Variants in SHOC1 observed in about 807,000 individuals in gnomAD.
SHOC1 encodes the protein shortage in chiasmata 1.
SHOC1 carries 136 observed loss-of-function variants against 179.2 expected under a neutral mutation model. The observed-to-expected ratio is 0.76, with a 90% CI of 0.66 to 0.87. The LOEUF (loss-of-function observed/expected upper bound fraction) is 0.87, where lower values mean the gene tolerates loss of function less well. Ranked by LOEUF, SHOC1 falls within the 40% of genes least tolerant of loss-of-function variation. The pLI is 0.00. For synonymous variants in SHOC1, 489 were observed against 586.6 expected (o/e 0.83, Z 2.41); for missense variants, 1,538 against 1,700.8 (o/e 0.90, Z 1.68).
chr9:111,686,703 T>G lies in SHOC1; in HGVS notation c.*67A>C. 1 of 988,516 alleles carries G rather than the reference T, an allele frequency of 1.0e-6. No individual in the cohort carries two copies. 61.2% of individuals were successfully genotyped at this position (988,516 alleles called of 1,614,324 possible). The stretch of plus-strand genomic sequence containing the variant: ...TCTTTAGTGTATGAGCAAATCTAAA[T>G]AATTGCGCTAGTGGATTAGCATCAA... On this transcript the variant is annotated 3_prime_UTR_variant, in exon 28 of 28. Coordinates refer to ENST00000682961, the MANE Select transcript of SHOC1 (RefSeq NM_001378211.1).
At chr9:111,695,435 C>G (rs1187372463) in intron 24 of SHOC1, among the ~76,000 whole-genome samples, 1 of 151,834 alleles carries the variant, frequency 6.6e-6, no homozygotes, top group Non-Finnish European at 1.5e-5. Context: ...TACTTTATTG[C>G]TAGTTTTGGG....
chr9:111,773,529 T>C (rs1483960696), intron 5 of SHOC1, among the ~76,000 whole-genome samples: 1 of 152,054 alleles, frequency 6.6e-6, no homozygotes, highest in African/African-American at 2.4e-5. Context: ...CCAGGCTGGT[T>C]TCGAACGCCT....
At chr9:111,793,075 G>A (rs1352429332) in intron 1 of SHOC1, among the ~76,000 whole-genome samples, 1 of 152,008 alleles carries the variant, frequency 6.6e-6, no homozygotes, top group Non-Finnish European at 1.5e-5. Context: ...GTAGAGACAG[G>A]GTTTCACCGT....
At position 111,770,723 on chromosome 9, in the gene SHOC1, CATAG is replaced by C. The variant is rs150944361; in HGVS notation, c.442+5064_442+5067del. ...TACCTAGGAGTTCTGGTGTTGTGTG[CATAG>C]ATATTTATAATTGTTATACCCTCTT... On this transcript the variant is annotated intron_variant, in intron 5 of 27. Coordinates refer to ENST00000682961, the MANE Select transcript of SHOC1 (RefSeq NM_001378211.1). 5.1e-4 allele frequency among the ~76,000 whole-genome samples: 77 copies of C among 152,192 alleles called. 1 individual carries two copies. The East Asian group carries it at 0.012, about 23-fold the overall frequency.
At chr9:111,708,788 A>C (rs1313433349) in intron 18 of SHOC1, among the ~76,000 whole-genome samples, 1 of 152,230 alleles carries the variant, frequency 6.6e-6, no homozygotes, top group African/African-American at 2.4e-5. Context: ...AATAAATTTC[A>C]AAATATTCTG....
intron 3 of SHOC1, among the ~76,000 whole-genome samples, chr9:111,781,751 A>AATAAATAAATAAATAAATAG (rs1836064912): frequency 9.4e-6 from 1 of 106,714 alleles, no homozygotes; most frequent in Non-Finnish European, 2.3e-5. Flanking sequence ...TAAATAAATA[A>AATAAATAAATAAATAAATAG]ATTTGTATGT....
At chr9:111,775,520 A>G (rs976790955) in intron 5 of SHOC1, among the ~76,000 whole-genome samples, 4 of 152,166 alleles carry the variant, frequency 2.6e-5, no homozygotes, top group Non-Finnish European at 5.9e-5. Flanking sequence ...AAAGATGCCA[A>G]TGTCATTATA....
In SHOC1 at chr9:111,775,796, T is replaced by C. The variant is rs754701365; in HGVS notation, c.437A>G (p.Asn146Ser). 10 of 1,602,788 alleles carry C rather than the reference T, an allele frequency of 6.2e-6. No individual in the cohort carries two copies. Among genetic ancestry groups the C allele is most frequent in the African/African-American group, 4.0e-5 (3 of 74,458 alleles). ...LEKCSALQNQ[N>S]QDLFIDDKGI... is the part of the protein sequence containing the mutation. ...ATATAAAATAAACGTTTTACCTTGG[T>C]TCTGGTTTTGAAGTGCTGAACATTT... Residue 146 changes from asparagine to serine, a missense_variant, in exon 5 of 28, where the codon AAC (asparagine) becomes AGC (serine). By Grantham distance (46) the Asn-to-Ser change is conservative (BLOSUM62 1). Transcript: ENST00000682961.
Position 111,749,632 on chromosome 9 carries a change from C to T in SHOC1, c.863-1433G>A, listed in dbSNP as rs541360715. Reference sequence around the variant, plus strand: ...ATCATCTCATCACCGAGGTATTAAGCCCAGCATCCATTAGCTATTCTTCCT... The same window carrying T: ...ATCATCTCATCACCGAGGTATTAAGTCCAGCATCCATTAGCTATTCTTCCT... On this transcript the variant is annotated intron_variant, in intron 8 of 27. Transcript: ENST00000682961. Among the ~76,000 whole-genome samples the T allele has an allele frequency of 2.0e-5, 3 of 152,230 alleles. 1 individual carries two copies. The South Asian group carries it at 6.2e-4, about 32-fold the overall frequency.
chr9:111,688,263 T>C (rs1008890017), intron 27 of SHOC1, among the ~76,000 whole-genome samples: 6 of 152,222 alleles, frequency 3.9e-5, no homozygotes, highest in Non-Finnish European at 7.3e-5. Flanking sequence ...TTCTAAAATT[T>C]CTAAAAATGC....
intron 5 of SHOC1, among the ~76,000 whole-genome samples, chr9:111,774,148 T>C (rs1835735173): frequency 6.6e-6 from 1 of 152,134 alleles, no homozygotes; most frequent in African/African-American, 2.4e-5. Context: ...TGTAACCCAT[T>C]AGTTTTTATA....
chr9:111,747,540 C>T (rs566415443), intron 9 of SHOC1, among the ~76,000 whole-genome samples: 125 of 151,950 alleles, frequency 8.2e-4, no homozygotes, highest in African/African-American at 2.7e-3. Flanking sequence ...TCCTCCATTC[C>T]TCTTCTACAC....
chr9:111,760,791 TAAAA>T (rs887073478), intron 5 of SHOC1, among the ~76,000 whole-genome samples: 6 of 150,986 alleles, frequency 4.0e-5, no homozygotes, highest in African/African-American at 1.5e-4. Flanking sequence ...AAAGGCAAGA[TAAAA>T]AACACTTTCC....
chr9:111,775,694 A>C (rs1446094930), intron 5 of SHOC1, 97 bp downstream of exon 5: 2 of 1,018,974 alleles, frequency 2.0e-6, no homozygotes, highest in African/African-American at 3.3e-5. Flanking sequence ...ATCTTTAATA[A>C]AAAATTTTTT....
At position 111,723,902 on chromosome 9, in the gene SHOC1, G is replaced by A. The variant is rs1391126951; in HGVS notation, c.1844C>T (p.Ala615Val). 6.5e-7 allele frequency: 1 copy of A among 1,540,432 alleles called. No homozygotes were observed. The highest frequency in any genetic ancestry group is 8.9e-7 in the Non-Finnish European group (1 of 1,126,764). Residue 615 changes from alanine (A) to valine (V), a missense_variant, in exon 14 of 28, where the codon GCA (alanine) becomes GTA (valine). By Grantham distance (64) the Ala-to-Val change is moderately conservative. Coordinates refer to ENST00000682961, the MANE Select transcript of SHOC1 (RefSeq NM_001378211.1). ...TNSDEKHDKE[A>V]CSLTLQEESP... ...TTCTTCTTGAAGTGTCAAAGAACATGCTTCTTTATCTTGAAATTCCAATAA... is the reference window on the plus strand; with the variant it reads ...TTCTTCTTGAAGTGTCAAAGAACATACTTCTTTATCTTGAAATTCCAATAA...
intron 17 of SHOC1, 134 bp from the exon 18 acceptor site, chr9:111,713,306 G>A: frequency 1.9e-6 from 1 of 540,522 alleles, no homozygotes; most frequent in Non-Finnish European, 3.3e-6. Flanking sequence ...AAATATTTCT[G>A]TTGTAAAAAA....
At chr9:111,730,576 GAGT>G (rs1833519229) in intron 12 of SHOC1, among the ~76,000 whole-genome samples, 1 of 152,162 alleles carries the variant, frequency 6.6e-6, no homozygotes, top group South Asian at 2.1e-4. Flanking sequence ...CTTTTTTTCT[GAGT>G]AGTAGGTCTC....
chr9:111,729,229 C>T (rs1490695526), intron 12 of SHOC1, among the ~76,000 whole-genome samples: 1 of 152,144 alleles, frequency 6.6e-6, no homozygotes. Flanking sequence ...AGTCCTCCCA[C>T]CAGCTGAGAC....
intron 2 of SHOC1, among the ~76,000 whole-genome samples, chr9:111,787,929 T>C (rs961876998): frequency 2.0e-5 from 3 of 152,206 alleles, no homozygotes; most frequent in Non-Finnish European, 2.9e-5. Context: ...AAAAAGATTA[T>C]GACTCACTAA....
Sources: gnomAD v4.1 joint callset for allele counts (sites outside exome capture counted in the v4.1 genomes callset) on GRCh38, gnomAD v4.1.1 for gene constraint, MANE v1.5 for transcripts, NCBI Gene and HGNC (gene_info 2026-07-23, HGNC 2026-07-21) for gene names.